RTN4RL1: variants seen among roughly 807,000 people sequenced by gnomAD.
RTN4RL1 encodes reticulon-4 receptor-like 1.
Under a neutral mutation model 25.6 loss-of-function variants are expected in RTN4RL1, and 7 were observed. The ratio of observed to expected loss-of-function variants is 0.27; its 90% CI spans 0.16 to 0.51. The LOEUF is 0.51. RTN4RL1 is among the 20% of genes least tolerant of loss of function. The probability of loss-of-function intolerance (pLI) is 0.97; values close to 1 mark genes in which losing one functional copy is unlikely to be tolerated. For missense variants in RTN4RL1, 500 were observed against 615.6 expected (o/e 0.81, Z 1.99); for synonymous variants, 297 against 288.2 (o/e 1.03, Z -0.31).
In RTN4RL1 at chr17:1,937,062, C is replaced by T. The variant is rs761755972; in HGVS notation, c.760G>A (p.Gly254Ser). 56 of 1,605,188 alleles carry T rather than the reference C, an allele frequency of 3.5e-5. No homozygotes were observed. The highest frequency in any genetic ancestry group is 4.5e-5 in the Non-Finnish European group (53 of 1,177,614). Residue 254 changes from glycine to serine, a missense_variant, in exon 2 of 2, where the codon GGC becomes AGC. Physicochemically the swap from Gly to Ser is moderately conservative, Grantham distance 56. Around this residue, in one of 2 missense-constraint regions of RTN4RL1, gnomAD observed 268 missense variants for 274.5 expected, o/e 0.98. Coordinates refer to ENST00000331238, the MANE Select transcript of RTN4RL1 (RefSeq NM_178568.4). ...CGACAACCACAGTCCCAGGGGTTGC[C>T]GTTGAGGCGGAGGAACTCCAGGGCC... ...LGALEFLRLN[G>S]NPWDCGCRAR...
At chr17:2,009,333 G>A (rs186484683) in intron 1 of RTN4RL1, among the ~76,000 whole-genome samples, 181 of 152,104 alleles carry the variant, frequency 1.2e-3, no homozygotes, top group Non-Finnish European at 2.2e-3. Flanking sequence ...GGTGGCTTAC[G>A]CCTGTAATCC....
In RTN4RL1 at chr17:2,010,051, T is replaced by C. The variant is rs1433700730; in HGVS notation, c.13+14802A>G. On this transcript the variant is annotated intron_variant, in intron 1 of 1. Transcript: ENST00000331238. ...CACTTCGCTTAGGCCTCTGTTCGAATGTCCGTCTATCAGAAAGACTTCTCT... is the reference window on the plus strand; with the variant it reads ...CACTTCGCTTAGGCCTCTGTTCGAACGTCCGTCTATCAGAAAGACTTCTCT... 2.3e-5 allele frequency among the ~76,000 whole-genome samples: 3 copies of C among 128,906 alleles called. 1 individual carries two copies. The highest frequency in any genetic ancestry group is 4.9e-5 in the Non-Finnish European group (3 of 61,192). 84.6% of individuals were successfully genotyped at this position (128,906 alleles called of 152,430 possible).
chr17:2,000,586 T>A (rs369160223), intron 1 of RTN4RL1, among the ~76,000 whole-genome samples: 1 of 152,066 alleles, frequency 6.6e-6, no homozygotes, highest in South Asian at 2.1e-4. Flanking sequence ...TGTGCAATGG[T>A]GCGATCTCGG....
At chr17:1,954,383 C>CTTTTTTTTT (rs55654151) in intron 1 of RTN4RL1, among the ~76,000 whole-genome samples, 4 of 124,352 alleles carry the variant, frequency 3.2e-5, no homozygotes, top group Admixed American at 8.7e-5. Context: ...TGCTTCCTTC[C>CTTTTTTTTT]TTTTTTTTTT....
intron 1 of RTN4RL1, among the ~76,000 whole-genome samples, chr17:1,976,478 TAGTG>T (rs2066843159): frequency 6.6e-6 from 1 of 152,184 alleles, no homozygotes; most frequent in African/African-American, 2.4e-5. Context: ...GAGGTTTAAG[TAGTG>T]TTGGTGCTGC....
chr17:2,023,123 T>C (rs928095901), intron 1 of RTN4RL1, among the ~76,000 whole-genome samples: 1 of 152,158 alleles, frequency 6.6e-6, no homozygotes. Context: ...TGTCAGTTCC[T>C]CTCCATTATC....
chr17:1,967,384 G>A (rs2066796475), intron 1 of RTN4RL1, among the ~76,000 whole-genome samples: 2 of 151,906 alleles, frequency 1.3e-5, no homozygotes, highest in African/African-American at 4.8e-5. Context: ...TCAGCTCCCC[G>A]CCCCCGCTAC....
chr17:1,964,737 A>T (rs1210471859), intron 1 of RTN4RL1, among the ~76,000 whole-genome samples: 3 of 151,508 alleles, frequency 2.0e-5, no homozygotes, highest in Non-Finnish European at 4.4e-5. Flanking sequence ...GTCTCTAAAA[A>T]AAAATTTTTT....
At chr17:1,971,685 A>G (rs988352724) in intron 1 of RTN4RL1, among the ~76,000 whole-genome samples, 11 of 151,596 alleles carry the variant, frequency 7.3e-5, no homozygotes, top group Admixed American at 2.0e-4. Context: ...AATTTAGGCC[A>G]GGCACGGTGG....
In RTN4RL1 at chr17:2,025,126, G is replaced by T; in HGVS notation, c.-261C>A. ...TGCTCAGCCCCGGGGCGAGCGGCTT[G>T]CTCCGCGGAGCCGGCGGCCTGCTTC... On this transcript the variant is annotated 5_prime_UTR_variant, in exon 1 of 2. Coordinates refer to ENST00000331238, the MANE Select transcript of RTN4RL1 (RefSeq NM_178568.4). This position sits in a 1 kb window ranked among gnomAD's most constrained non-coding sequence, Gnocchi z 4.8. 3.0e-6 allele frequency: 1 copy of T among 332,854 alleles called. No homozygotes were observed. 20.6% of individuals were successfully genotyped at this position (332,854 alleles called of 1,614,324 possible).
intron 1 of RTN4RL1, among the ~76,000 whole-genome samples, chr17:1,962,579 G>A (rs549750774): frequency 1.2e-3 from 186 of 151,994 alleles, no homozygotes; most frequent in African/African-American, 4.4e-3. Flanking sequence ...AAGAGTCATG[G>A]GAAGGCCAGG....
At chr17:1,971,115 T>C (rs1225213021) in intron 1 of RTN4RL1, among the ~76,000 whole-genome samples, 1 of 152,148 alleles carries the variant, frequency 6.6e-6, no homozygotes, top group African/African-American at 2.4e-5. Flanking sequence ...ATCTCATCCC[T>C]TATTGTAATC....
In RTN4RL1 at chr17:1,998,106, C is replaced by T. The variant is rs1016192669; in HGVS notation, c.13+26747G>A. 1.3e-5 allele frequency among the ~76,000 whole-genome samples: 2 copies of T among 152,170 alleles called. No individual in the cohort carries two copies. Among genetic ancestry groups the T allele is most frequent in the African/African-American group, 4.8e-5 (2 of 41,462 alleles). ...GGCCTCATTACCGAGGGAGAGCTGCCGGGGCTGGCAGGGGAGCCAGACGGC... is the reference window on the plus strand; with the variant it reads ...GGCCTCATTACCGAGGGAGAGCTGCTGGGGCTGGCAGGGGAGCCAGACGGC... On this transcript the variant is annotated intron_variant, in intron 1 of 1. Coordinates refer to ENST00000331238, the MANE Select transcript of RTN4RL1 (RefSeq NM_178568.4). The surrounding 1 kb of genome is among the most constrained non-coding windows in gnomAD (Gnocchi z 4.9).
intron 1 of RTN4RL1, among the ~76,000 whole-genome samples, chr17:1,974,321 G>T (rs1045932173): frequency 3.3e-5 from 5 of 152,126 alleles, no homozygotes; most frequent in South Asian, 2.1e-4. Context: ...AGCCCAGGAG[G>T]TGGAGGTTGC....
At chr17:1,970,108 G>A (rs893075504) in intron 1 of RTN4RL1, among the ~76,000 whole-genome samples, 12 of 148,522 alleles carry the variant, frequency 8.1e-5, no homozygotes, top group East Asian at 2.0e-4. Flanking sequence ...TGCAACCTCC[G>A]CCTCCCAGGT....
chr17:1,966,636 A>T lies in RTN4RL1; in HGVS notation c.14-28828T>A, dbSNP rs111645520. On this transcript the variant is annotated intron_variant, in intron 1 of 1. Transcript: ENST00000331238. ...TGGGGTTCCCTGTCTGTGTGGCCCGAAGTTCCAGGGACTGCCCCCACCCAC... is the reference window on the plus strand; with the variant it reads ...TGGGGTTCCCTGTCTGTGTGGCCCGTAGTTCCAGGGACTGCCCCCACCCAC... 2.7e-4 allele frequency among the ~76,000 whole-genome samples: 41 copies of T among 152,096 alleles called. 1 individual carries two copies. Among genetic ancestry groups the T allele is most frequent in the African/African-American group, 9.2e-4 (38 of 41,472 alleles).
At chr17:1,956,493 A>G (rs1915797122) in intron 1 of RTN4RL1, among the ~76,000 whole-genome samples, 1 of 152,174 alleles carries the variant, frequency 6.6e-6, no homozygotes, top group African/African-American at 2.4e-5. Context: ...GCCTGGGGCC[A>G]GAGGCAATGC....
chr17:1,967,084 G>A (rs2066794669), intron 1 of RTN4RL1, among the ~76,000 whole-genome samples: 2 of 151,530 alleles, frequency 1.3e-5, no homozygotes, highest in Admixed American at 1.3e-4. Flanking sequence ...AAGTGGGCAG[G>A]GAGGTGGTAC....
chr17:1,952,255 C>T (rs777072151), intron 1 of RTN4RL1, among the ~76,000 whole-genome samples: 3 of 151,772 alleles, frequency 2.0e-5, no homozygotes, highest in Non-Finnish European at 2.9e-5. Context: ...CCAGAGACCA[C>T]GCTGCATGAC....
Sources: allele counts gnomAD v4.1 joint callset (sites outside exome capture counted in the v4.1 genomes callset), GRCh38; gene constraint gnomAD v4.1.1; regional missense constraint gnomAD v4.1.1; non-coding constraint Gnocchi (gnomAD v3.1); transcripts MANE v1.5; gene names NCBI Gene and HGNC (gene_info 2026-07-23, HGNC 2026-07-21).